PTPRS: variants seen among roughly 807,000 people sequenced by gnomAD.
The protein encoded by PTPRS is protein tyrosine phosphatase receptor type S.
Under a neutral mutation model 215.3 loss-of-function variants are expected in PTPRS, and 63 were observed. The observed-to-expected ratio is 0.29, with a 90% confidence interval of 0.24 to 0.36. The LOEUF (loss-of-function observed/expected upper bound fraction) is 0.36, where lower values mean the gene tolerates loss of function less well. Ranked by LOEUF, PTPRS falls within the 10% of genes least tolerant of loss-of-function variation. PTPRS has a pLI of 1.00. For missense variants in PTPRS, 2,258 were observed against 2,825.8 expected (o/e 0.80, Z 4.56); for synonymous variants, 1,404 against 1,191.4 (o/e 1.18, Z -3.68).
intron 1 of PTPRS, among the ~76,000 whole-genome samples, chr19:5,296,059 C>T (rs1415109364): frequency 1.3e-5 from 2 of 152,130 alleles, no homozygotes; most frequent in African/African-American, 4.8e-5. Context: ...AAGGTTAAGC[C>T]CAGCCTACCC....
intron 1 of PTPRS, among the ~76,000 whole-genome samples, chr19:5,310,211 C>T (rs938768753): frequency 2.0e-5 from 3 of 152,210 alleles, no homozygotes; most frequent in African/African-American, 4.8e-5. Flanking sequence ...TTCTCTTATT[C>T]CTGTTGGTCT....
At chr19:5,269,887 C>T (rs1261390492) in intron 4 of PTPRS, among the ~76,000 whole-genome samples, 1 of 147,148 alleles carries the variant, frequency 6.8e-6, no homozygotes, top group Non-Finnish European at 1.5e-5. Flanking sequence ...CGCCATTGCA[C>T]TCCAGCCTGG....
At chr19:5,321,353 A>C (rs1227053394) in intron 1 of PTPRS, among the ~76,000 whole-genome samples, 2 of 152,236 alleles carry the variant, frequency 1.3e-5, no homozygotes, top group Non-Finnish European at 2.9e-5. Flanking sequence ...CCTGGGGAAA[A>C]GGGCAGCTAT....
chr19:5,298,658 C>T (rs141626921), intron 1 of PTPRS, among the ~76,000 whole-genome samples: 2,128 of 152,320 alleles, frequency 0.014, 23 homozygotes, highest in Non-Finnish European at 0.02. Flanking sequence ...ACAGCCCTGG[C>T]GCCGGGTCTA....
In PTPRS at chr19:5,222,884, G is replaced by A. The variant is rs369041852; in HGVS notation, c.2908C>T (p.Arg970Trp). 170 of 1,574,744 alleles carry A rather than the reference G, an allele frequency of 1.1e-4. 1 individual carries two copies. The highest frequency in any genetic ancestry group is 5.0e-4 in the Middle Eastern group (3 of 5,970). The change falls in exon 18 of 38, where the codon CGG becomes TGG. Residue 970 changes from arginine (R) to tryptophan (W), a missense_variant. Transcript: ENST00000262963. Reference sequence around the variant, plus strand: ...GCAGGGCCCAGGGCACCGGCCTCCCGCACGGCCACCGTGTATTTGACGATG... The same window carrying A: ...GCAGGGCCCAGGGCACCGGCCTCCCACACGGCCACCGTGTATTTGACGATG... ...GAIVKYTVAV[R>W]EAGALGPARE...
chr19:5,219,730 C>T (rs751417871), intron 22 of PTPRS, among the ~76,000 whole-genome samples: 3 of 152,168 alleles, frequency 2.0e-5, no homozygotes, highest in Admixed American at 2.0e-4. Context: ...TGTTGAACTC[C>T]TACTCACCCC....
At chr19:5,291,207 G>A (rs573812136) in intron 1 of PTPRS, among the ~76,000 whole-genome samples, 1 of 152,286 alleles carries the variant, frequency 6.6e-6, no homozygotes, top group Non-Finnish European at 1.5e-5. Flanking sequence ...AGGGAACCAG[G>A]CCCAGCCCTG....
At chr19:5,315,079 G>C (rs1393722787) in intron 1 of PTPRS, among the ~76,000 whole-genome samples, 1 of 152,078 alleles carries the variant, frequency 6.6e-6, no homozygotes, top group East Asian at 1.9e-4. Context: ...TGCCCATGCT[G>C]TTCCATCTGC....
At chr19:5,234,885 T>C (rs2043305067) in intron 13 of PTPRS, among the ~76,000 whole-genome samples, 2 of 152,112 alleles carry the variant, frequency 1.3e-5, no homozygotes, top group South Asian at 4.1e-4. Flanking sequence ...ACCTACTATG[T>C]GTCAGGCAAC....
In PTPRS at chr19:5,208,111, G is replaced by A. The variant is rs890830121; in HGVS notation, c.5643-54C>T. ...TCAGGGGCAGGTGCTGGGGAGCCCT[G>A]ATCTGACCACCCGATTCCCCGAGGA... On this transcript the variant is annotated intron_variant, in intron 36 of 37. Coordinates refer to ENST00000262963, the MANE Select transcript of PTPRS (RefSeq NM_002850.4). 8.2e-5 allele frequency: 131 copies of A among 1,590,542 alleles called. 1 individual carries two copies. In the Admixed American group the frequency reaches 2.1e-3, roughly 26 times the overall value.
Position 5,245,785 on chromosome 19 carries a change from T to A in PTPRS, c.979A>T (p.Thr327Ser), listed in dbSNP as rs796391927. 1.3e-6 allele frequency: 2 copies of A among 1,599,884 alleles called. No homozygotes were observed. Among genetic ancestry groups the A allele is most frequent in the Admixed American group, 3.4e-5 (2 of 59,172 alleles). The change falls in exon 10 of 38, where the codon ACG becomes TCG. Residue 327 changes from threonine to serine, a missense_variant. Thr to Ser is a moderately conservative substitution (Grantham distance 58, BLOSUM62 1). Coordinates refer to ENST00000262963, the MANE Select transcript of PTPRS (RefSeq NM_002850.4). ...LGVIEAVAQI[T>S]VKSLPKAPGT... Reference sequence around the variant, plus strand: ...CATGGGCCCTGCTCACATTTCACCGTGATCTGAGCAACCGCCTCAATGACG... The same window carrying A: ...CATGGGCCCTGCTCACATTTCACCGAGATCTGAGCAACCGCCTCAATGACG...
rs2043918332 is a variant in PTPRS, at chr19:5,240,299, G to A, written c.1604C>T (p.Ala535Val). 2 of 1,604,030 alleles carry A rather than the reference G, an allele frequency of 1.2e-6. No individual in the cohort carries two copies. The highest frequency in any genetic ancestry group is 4.5e-5 in the East Asian group (2 of 44,236). ...PGQPMNLRAE[A>V]RSETSITLSW... The stretch of plus-strand genomic sequence containing the variant: ...CAGCGTGATGCTGGTCTCCGACCTG[G>A]CCTCGGCCCGCAGGTTCATGGGCTG... The change falls in exon 12 of 38, where the codon GCC becomes GTC. Residue 535 changes from alanine to valine, a missense_variant. Coordinates refer to ENST00000262963, the MANE Select transcript of PTPRS (RefSeq NM_002850.4).
At chr19:5,308,247 C>T (rs2049567211) in intron 1 of PTPRS, among the ~76,000 whole-genome samples, 1 of 152,236 alleles carries the variant, frequency 6.6e-6, no homozygotes, top group Admixed American at 6.5e-5. Context: ...CTGGATAATA[C>T]CACACTTCAA....
intron 4 of PTPRS, among the ~76,000 whole-genome samples, chr19:5,268,051 TC>T (rs1050680975): frequency 2.6e-5 from 4 of 152,012 alleles, no homozygotes; most frequent in African/African-American, 9.7e-5. Context: ...GCACCTGTAG[TC>T]CCAGCTACTC....
chr19:5,221,260 A>G lies in PTPRS; in HGVS notation c.3202-7T>C. Reference sequence around the variant, plus strand: ...TGAGCCCATTGTACTGGATCTGCGGACCAGGGCTAGCTCAGCAGGGCCTGG... The same window carrying G: ...TGAGCCCATTGTACTGGATCTGCGGGCCAGGGCTAGCTCAGCAGGGCCTGG... On this transcript the variant is annotated splice_polypyrimidine_tract_variant and splice_region_variant and intron_variant, in intron 19 of 37. Coordinates refer to ENST00000262963, the MANE Select transcript of PTPRS (RefSeq NM_002850.4). 6.2e-7 allele frequency: 1 copy of G among 1,608,854 alleles called. No homozygotes were observed. Among genetic ancestry groups the G allele is most frequent in the Non-Finnish European group, 8.5e-7 (1 of 1,176,780 alleles).
chr19:5,324,241 A>G (rs1241681348), intron 1 of PTPRS, among the ~76,000 whole-genome samples: 1 of 151,726 alleles, frequency 6.6e-6, no homozygotes, highest in East Asian at 1.9e-4. Flanking sequence ...AAAAAAAAAA[A>G]AAAAAAAAAA....
At chr19:5,214,269 A>G (rs2041207885) in intron 30 of PTPRS, 92 bp downstream of exon 30, 12 of 1,555,708 alleles carry the variant, frequency 7.7e-6, no homozygotes, top group South Asian at 1.2e-5. Context: ...TCTCTGTCCC[A>G]TGGGGAGCTC....
At chr19:5,219,250 C>G (rs766552436) in intron 23 of PTPRS, 60 bp downstream of exon 23, 37 of 1,593,316 alleles carry the variant, frequency 2.3e-5, no homozygotes, top group Non-Finnish European at 2.9e-5. Context: ...CAACTCCTCC[C>G]TCCTTTTCCA....
chr19:5,340,036 CG>C (rs1162093843), intron 1 of PTPRS, among the ~76,000 whole-genome samples: 4 of 151,820 alleles, frequency 2.6e-5, no homozygotes, highest in African/African-American at 9.7e-5. Flanking sequence ...CGACAGGGCC[CG>C]GAGTGTTCCA....
Sources: gnomAD v4.1 joint callset for allele counts (sites outside exome capture counted in the v4.1 genomes callset) on GRCh38, gnomAD v4.1.1 for gene constraint, MANE v1.5 for transcripts, NCBI Gene and HGNC (gene_info 2026-07-23, HGNC 2026-07-21) for gene names.